Variants in CD84 observed in about 807,000 individuals in gnomAD.
The protein encoded by CD84 is CD84 molecule, also known as SLAM family member 5.
In CD84, 22 loss-of-function variants were observed where a neutral mutation model predicts 33.8. The observed-to-expected ratio is 0.65, with a 90% CI of 0.46 to 0.93. CD84 has a LOEUF of 0.93. Among genes scored for constraint, CD84 ranks in the 40% least tolerant of loss-of-function variants. The pLI is 0.00. For missense variants in CD84, 400 were observed against 397.6 expected (o/e 1.01, Z -0.05); for synonymous variants, 154 against 145.2 (o/e 1.06, Z -0.44).
intron 2 of CD84, among the ~76,000 whole-genome samples, chr1:160,556,091 C>T (rs1656590902): frequency 6.6e-6 from 1 of 152,054 alleles, no homozygotes; most frequent in African/African-American, 2.4e-5. Flanking sequence ...TACAAAAATG[C>T]CTAGGGAGTG....
At chr1:160,571,087 C>T (rs1012139167) in intron 1 of CD84, 4 of 152,074 alleles carry the variant, frequency 2.6e-5, no homozygotes, top group African/African-American at 9.7e-5. Flanking sequence ...GCCAACTCCG[C>T]ACTTTTTTAC....
At chr1:160,548,398 G>A (rs1441757691) in intron 6 of CD84, 77 bp from the exon 7 acceptor site, 4 of 1,499,414 alleles carry the variant, frequency 2.7e-6, no homozygotes, top group Admixed American at 1.7e-5. Context: ...AGTTCCCAGA[G>A]GAGTTAAGCA....
At chr1:160,549,773 T>C in intron 6 of CD84, 144 bp downstream of exon 6, 1 of 721,366 alleles carries the variant, frequency 1.4e-6, no homozygotes, top group Non-Finnish European at 2.5e-6. Context: ...TGGAAGTACA[T>C]ATAGACCAAA....
intron 1 of CD84, among the ~76,000 whole-genome samples, chr1:160,572,733 A>T (rs1557985370): frequency 6.6e-6 from 1 of 152,150 alleles, no homozygotes; most frequent in African/African-American, 2.4e-5. Context: ...TGACCTTCTT[A>T]TGCCAGAACA....
At chr1:160,550,304 C>T (rs1656118878) in intron 5 of CD84, among the ~76,000 whole-genome samples, 3 of 152,090 alleles carry the variant, frequency 2.0e-5, no homozygotes, top group Admixed American at 6.5e-5. Context: ...GCTGCCCTAT[C>T]AGTCCAAGCA....
rs144842269 is a variant in CD84, at chr1:160,578,658, A to G, written c.46+734T>C. Among the ~76,000 whole-genome samples the G allele has an allele frequency of 4.9e-3, 754 of 152,332 alleles. 12 individuals carry two copies. Among genetic ancestry groups the G allele is most frequent in the African/African-American group, 0.017 (693 of 41,580 alleles). ...TGTATTTAAGGAGATAACATGTACA[A>G]TGACACAGCACTCCCAGATCTATGT... On this transcript the variant is annotated intron_variant, in intron 1 of 6. Coordinates refer to ENST00000368054, the MANE Select transcript of CD84 (RefSeq NM_003874.4).
chr1:160,573,312 A>G (rs1439085166), intron 1 of CD84, among the ~76,000 whole-genome samples: 3 of 152,152 alleles, frequency 2.0e-5, no homozygotes, highest in Non-Finnish European at 4.4e-5. Flanking sequence ...TATGGATGAC[A>G]ATGGAGAGGT....
intron 4 of CD84, among the ~76,000 whole-genome samples, chr1:160,552,224 C>T (rs1035412759): frequency 6.6e-5 from 10 of 152,172 alleles, no homozygotes; most frequent in Non-Finnish European, 1.5e-4. Flanking sequence ...TTTCTCTTCC[C>T]AAGAGTCAGC....
chr1:160,565,514 T>C lies in CD84; in HGVS notation c.278A>G (p.Asn93Ser), dbSNP rs748714196. The C allele has an allele frequency of 2.5e-6, 4 of 1,613,908 alleles. No homozygotes were observed. The highest frequency in any genetic ancestry group is 1.7e-5 in the Admixed American group (1 of 59,978). Residue 93 changes from asparagine (N) to serine (S), a missense_variant, in exon 2 of 7, where the codon AAT (asparagine) becomes AGT (serine). Asn to Ser is a conservative substitution (Grantham distance 46, BLOSUM62 1). Coordinates refer to ENST00000368054, the MANE Select transcript of CD84 (RefSeq NM_003874.4). ...ERIHALGPNYNLVISDLRMED... is the reference protein window; with the variant it reads ...ERIHALGPNYSLVISDLRMED... ...CATCCTCAGATCGCTAATGACCAGA[T>C]TGTAGTTCGGACCTAAGGCATGTAT...
chr1:160,568,291 C>A (rs1409895433), intron 1 of CD84, among the ~76,000 whole-genome samples: 1 of 152,054 alleles, frequency 6.6e-6, no homozygotes, highest in Non-Finnish European at 1.5e-5. Context: ...TATGTCTCAT[C>A]TCCTGTAGCA....
Position 160,547,124 on chromosome 1 carries a change from T to A in CD84, c.*1132A>T. On this transcript the variant is annotated 3_prime_UTR_variant, in exon 7 of 7. Coordinates refer to ENST00000368054, the MANE Select transcript of CD84 (RefSeq NM_003874.4). The stretch of plus-strand genomic sequence containing the variant: ...AATGCCTGTGTAAGCTGGCTGGTGA[T>A]CTGTTTGTGGGGCATGCCAGGGTGG... 2.5e-6 allele frequency: 1 copy of A among 398,876 alleles called. No individual in the cohort carries two copies. The highest frequency in any genetic ancestry group is 4.4e-6 in the Non-Finnish European group (1 of 226,056). 24.7% of individuals were successfully genotyped at this position (398,876 alleles called of 1,614,324 possible). A position where few individuals can be genotyped will look rare whatever the true frequency, so the allele number is the denominator to read the frequency against.
In CD84 at chr1:160,553,039, G is replaced by C. The variant is rs115327895; in HGVS notation, c.760+339C>G. 1.5e-3 allele frequency: 860 copies of C among 561,570 alleles called. 7 individuals carry two copies. The highest frequency in any genetic ancestry group is 0.015 in the African/African-American group (793 of 53,318). 34.8% of individuals were successfully genotyped at this position (561,570 alleles called of 1,614,324 possible). On this transcript the variant is annotated intron_variant, in intron 4 of 6. Transcript: ENST00000368054. ...TACAATGAAATTGGAAGTGACCCTG[G>C]AGATCCTCTAGTCCAAACATTTCAC... is the stretch of plus-strand genomic sequence containing the variant.
rs1553230405 is a variant in CD84 at position 160,543,602 on chromosome 1, T to TTTATTTATTA, written c.*4653_*4654insTAATAAATAA. The TTTATTTATTA allele has an allele frequency of 7.0e-6, 1 of 142,702 alleles. No homozygotes were observed. The highest frequency in any genetic ancestry group is 1.5e-5 in the Non-Finnish European group (1 of 65,994). The allele number at this position is 142,702 out of a possible 1,614,324, so 8.8% of individuals were successfully genotyped here. A position where few individuals can be genotyped will look rare whatever the true frequency, so the allele number is the denominator to read the frequency against. ...ATCTTCAAGGAGCTCTCCATTATTA[T>TTTATTTATTA]TTATTATTATTATTATTATTATTAT... On this transcript the variant is annotated 3_prime_UTR_variant, in exon 7 of 7. Transcript: ENST00000368054.
At position 160,545,237 on chromosome 1, in the gene CD84, C is replaced by T. The variant is rs1655757857; in HGVS notation, c.*3019G>A. 1 of 152,126 alleles carries T rather than the reference C, an allele frequency of 6.6e-6. No homozygotes were observed. Among genetic ancestry groups the T allele is most frequent in the South Asian group, 2.1e-4 (1 of 4,826 alleles). The allele number at this position is 152,126 out of a possible 1,614,324, so 9.4% of individuals were successfully genotyped here. ...TGGAAGACCTAACAGATCTAACCTG[C>T]TTCTGATTTTTATTTTTGACAATAT... On this transcript the variant is annotated 3_prime_UTR_variant, in exon 7 of 7. Transcript: ENST00000368054.
In CD84 at chr1:160,548,048, G is replaced by A. The variant is rs1557967074; in HGVS notation, c.*208C>T. 1.7e-6 allele frequency: 1 copy of A among 591,560 alleles called. No individual in the cohort carries two copies. The highest frequency in any genetic ancestry group is 2.0e-5 in the South Asian group (1 of 49,994). The allele number at this position is 591,560 out of a possible 1,614,324, so 36.6% of individuals were successfully genotyped here. A position where few individuals can be genotyped will look rare whatever the true frequency, so the allele number is the denominator to read the frequency against. ...AACCTGCTTTGTCATTCATTCAGAA[G>A]GGAGTCATTTCAGGAAGGGTATGCA... On this transcript the variant is annotated 3_prime_UTR_variant, in exon 7 of 7. Transcript: ENST00000368054.
chr1:160,548,309 T>C lies in CD84; in HGVS notation c.934A>G (p.Ser312Gly). 5.0e-6 allele frequency: 8 copies of C among 1,614,218 alleles called. No homozygotes were observed. The highest frequency in any genetic ancestry group is 6.8e-6 in the Non-Finnish European group (8 of 1,180,036). ...CCAGGAGGTTTACTGTCCTGTGTGCTGGCTTTCCCCATCTGTGCAGGAGAG... is the reference window on the plus strand; with the variant it reads ...CCAGGAGGTTTACTGTCCTGTGTGCCGGCTTTCCCCATCTGTGCAGGAGAG... ...VQFADKMGKA[S>G]TQDSKPPGTS... is the part of the protein sequence containing the mutation. The change falls in exon 7 of 7, where the codon AGC becomes GGC. Residue 312 changes from serine (S) to glycine (G), a missense_variant. Ser to Gly is a moderately conservative substitution (Grantham distance 56). Coordinates refer to ENST00000368054, the MANE Select transcript of CD84 (RefSeq NM_003874.4).
In CD84 at chr1:160,546,772, A is replaced by G. The variant is rs769223860; in HGVS notation, c.*1484T>C. 58 of 198,394 alleles carry G rather than the reference A, an allele frequency of 2.9e-4. 1 individual carries two copies. The highest frequency in any genetic ancestry group is 3.6e-3 in the Middle Eastern group (2 of 562). The allele number at this position is 198,394 out of a possible 1,614,324, so 12.3% of individuals were successfully genotyped here. A position where few individuals can be genotyped will look rare whatever the true frequency, so the allele number is the denominator to read the frequency against. On this transcript the variant is annotated 3_prime_UTR_variant, in exon 7 of 7. Coordinates refer to ENST00000368054, the MANE Select transcript of CD84 (RefSeq NM_003874.4). ...TGTTCATGCTATTACTTGCAGCTGCAGTTCAGCGTTAACTGTAGTGTCTGT... is the reference window on the plus strand; with the variant it reads ...TGTTCATGCTATTACTTGCAGCTGCGGTTCAGCGTTAACTGTAGTGTCTGT...
At chr1:160,548,376 T>C in intron 6 of CD84, 55 bp from the exon 7 acceptor site, 1 of 1,588,946 alleles carries the variant, frequency 6.3e-7, no homozygotes. Context: ...GCTGGGGAAC[T>C]CCAGTCCTGC....
chr1:160,549,862 C>A (rs936628440), intron 6 of CD84, 55 bp downstream of exon 6: 1 of 1,346,468 alleles, frequency 7.4e-7, no homozygotes. Context: ...ACCGGGTGCA[C>A]CAGAATGGCT....
Sources: gnomAD v4.1 joint callset for allele counts (sites outside exome capture counted in the v4.1 genomes callset) on GRCh38, gnomAD v4.1.1 for gene constraint, MANE v1.5 for transcripts, NCBI Gene and HGNC (gene_info 2026-07-23, HGNC 2026-07-21) for gene names.